Variants in EFR3B observed in about 807,000 individuals in gnomAD.
The protein encoded by EFR3B is protein EFR3 homolog B.
A neutral mutation model predicts 104.7 loss-of-function variants in EFR3B; 64 were observed. The observed-to-expected ratio is 0.61, with a 90% CI of 0.50 to 0.75. The LOEUF (loss-of-function observed/expected upper bound fraction) is 0.75. Ranked by LOEUF, EFR3B falls within the 30% of genes least tolerant of loss-of-function variation. The pLI is 0.00. For missense variants in EFR3B, 750 were observed against 1,078.5 expected (o/e 0.70, Z 4.27); for synonymous variants, 385 against 417.9 (o/e 0.92, Z 0.96).
At position 25,132,935 on chromosome 2, in the gene EFR3B, C is replaced by T. The variant is rs1308422246; in HGVS notation, c.1180C>T (p.Arg394Cys). The change falls in exon 11 of 23, where the codon CGC becomes TGC. Residue 394 changes from arginine to cysteine, a missense_variant. Transcript: ENST00000403714. Reference protein sequence around the residue: ...SFASTLPTYQRSEVILFIMSK... With the variant: ...SFASTLPTYQCSEVILFIMSK... ...TGCCAGCACGCTGCCCACCTACCAG[C>T]GCTCCGAGGTGATCCTCTTCATCAT... The T allele has an allele frequency of 2.6e-6, 4 of 1,551,454 alleles. No homozygotes were observed. Among genetic ancestry groups the T allele is most frequent in the Non-Finnish European group, 2.6e-6 (3 of 1,146,960 alleles).
intron 15 of EFR3B, 62 bp from the exon 16 acceptor site, chr2:25,138,997 C>T (rs1355002045): frequency 3.2e-6 from 5 of 1,543,572 alleles, no homozygotes; most frequent in Middle Eastern, 3.3e-4. Flanking sequence ...TCGGGTGGAG[C>T]GTTGGCACCC....
intron 1 of EFR3B, among the ~76,000 whole-genome samples, chr2:25,088,330 C>T (rs1433487479): frequency 2.0e-5 from 3 of 152,160 alleles, no homozygotes; most frequent in African/African-American, 7.2e-5. Context: ...GGTATTGTTA[C>T]TTGCAAGTGT....
chr2:25,088,949 G>A (rs1292964397), intron 1 of EFR3B, among the ~76,000 whole-genome samples: 1 of 152,154 alleles, frequency 6.6e-6, no homozygotes, highest in East Asian at 1.9e-4. Context: ...GTGCAGAAAG[G>A]CCCTGGGGCC....
chr2:25,103,696 G>A lies in EFR3B; in HGVS notation c.272G>A (p.Ser91Asn). The A allele has an allele frequency of 6.4e-7, 1 of 1,551,694 alleles. No individual in the cohort carries two copies. Among genetic ancestry groups the A allele is most frequent in the Non-Finnish European group, 8.7e-7 (1 of 1,146,974 alleles). Residue 91 changes from serine (S) to asparagine (N), a missense_variant, in exon 4 of 23, where the codon AGC becomes AAC. Physicochemically the swap from Ser to Asn is conservative, Grantham distance 46. Transcript: ENST00000403714. The part of the protein sequence containing the change: ...DQLLMACHCQ[S>N]INLFVESFLK... ...CTGCTCATGGCCTGCCACTGCCAGAGCATCAACCTCTTCGTGGAGAGCTTC... is the reference window on the plus strand; with the variant it reads ...CTGCTCATGGCCTGCCACTGCCAGAACATCAACCTCTTCGTGGAGAGCTTC...
At chr2:25,058,221 C>T (rs1372221198) in intron 1 of EFR3B, 1 of 152,152 alleles carries the variant, frequency 6.6e-6, no homozygotes, top group Non-Finnish European at 1.5e-5. Flanking sequence ...TGAGCCAGCC[C>T]AGGTTGAAAA....
intron 1 of EFR3B, among the ~76,000 whole-genome samples, chr2:25,049,509 A>G (rs771165066): frequency 5.3e-5 from 8 of 152,232 alleles, no homozygotes; most frequent in African/African-American, 9.6e-5. Flanking sequence ...AAAACATGCA[A>G]ACAATTAAAT....
At chr2:25,103,210 C>G (rs527809422) in intron 3 of EFR3B, among the ~76,000 whole-genome samples, 1 of 152,354 alleles carries the variant, frequency 6.6e-6, no homozygotes, top group African/African-American at 2.4e-5. Flanking sequence ...TCCTTACACC[C>G]CCTGCACTGT....
intron 1 of EFR3B, among the ~76,000 whole-genome samples, chr2:25,054,305 T>C (rs1479321204): frequency 1.3e-5 from 2 of 152,184 alleles, no homozygotes; most frequent in Admixed American, 1.3e-4. Context: ...AAAGGTGATA[T>C]TATTACCATG....
At position 25,083,479 on chromosome 2, in the gene EFR3B, T is replaced by A. The variant is rs74490981; in HGVS notation, c.8-7846T>A. On this transcript the variant is annotated intron_variant, in intron 1 of 22. Coordinates refer to ENST00000403714, the MANE Select transcript of EFR3B (RefSeq NM_014971.2). ...CAATGAACTGTTTTTAGTTTCTTTT[T>A]AATGTCTATTATTTGTTTCTTTCCT... Among the ~76,000 whole-genome samples, 9 of 152,322 alleles carry A rather than the reference T, an allele frequency of 5.9e-5. No homozygotes were observed. In the East Asian group the frequency reaches 1.2e-3, roughly 20 times the overall value.
rs1035384780 is a variant in EFR3B, at chr2:25,131,601, G to A, written c.985+98G>A. ...GGACAACAGGGAGGGGTCGGAGTCC[G>A]TTTTCCTCGGGAGAAGTCCGCCAGG... is the stretch of plus-strand genomic sequence containing the variant. On this transcript the variant is annotated intron_variant, in intron 9 of 22. Transcript: ENST00000403714. This position sits in a 1 kb window ranked among gnomAD's most constrained non-coding sequence, Gnocchi z 7.6. The A allele has an allele frequency of 1.3e-5, 20 of 1,508,910 alleles. No individual in the cohort carries two copies. Among genetic ancestry groups the A allele is most frequent in the Admixed American group, 4.3e-5 (2 of 46,906 alleles). The allele number at this position is 1,508,910 out of a possible 1,614,324, so 93.5% of individuals were successfully genotyped here.
At position 25,136,120 on chromosome 2, in the gene EFR3B, AG is replaced by A. The variant is rs1670509302; in HGVS notation, c.1485-402del. Among the ~76,000 whole-genome samples, 1 of 152,150 alleles carries A rather than the reference AG, an allele frequency of 6.6e-6. No homozygotes were observed. The highest frequency in any genetic ancestry group is 2.4e-5 in the African/African-American group (1 of 41,428). ...CACTTAAGCCCAAGAGTTCAAGACC[AG>A]CCAGGGCAACATAGTGAGACCCCCA... On this transcript the variant is annotated intron_variant, in intron 13 of 22. Coordinates refer to ENST00000403714, the MANE Select transcript of EFR3B (RefSeq NM_014971.2). This position sits in a 1 kb window ranked among gnomAD's most constrained non-coding sequence, Gnocchi z 4.0.
intron 1 of EFR3B, among the ~76,000 whole-genome samples, chr2:25,059,337 G>C (rs893233921): frequency 1.3e-5 from 2 of 152,010 alleles, no homozygotes; most frequent in Non-Finnish European, 2.9e-5. Context: ...ACCTGCCTGG[G>C]TTTCCCAAAG....
At chr2:25,135,023 T>G (rs1014150383) in intron 12 of EFR3B, among the ~76,000 whole-genome samples, 3 of 152,224 alleles carry the variant, frequency 2.0e-5, no homozygotes, top group Admixed American at 1.3e-4. Flanking sequence ...TATTTGGTGG[T>G]TGCCGTGTGT....
At chr2:25,052,404 A>G (rs1288241156) in intron 1 of EFR3B, among the ~76,000 whole-genome samples, 4 of 151,120 alleles carry the variant, frequency 2.6e-5, no homozygotes, top group South Asian at 2.1e-4. Flanking sequence ...CTCACTCTGT[A>G]TATTTCAGCC....
intron 1 of EFR3B, among the ~76,000 whole-genome samples, chr2:25,082,153 G>C (rs113226861): frequency 1.4e-4 from 22 of 152,378 alleles, no homozygotes; most frequent in African/African-American, 3.6e-4. Context: ...GGACAGGCAA[G>C]GACCTTGTGG....
At chr2:25,067,610 T>C (rs1269678360) in intron 1 of EFR3B, among the ~76,000 whole-genome samples, 1 of 151,968 alleles carries the variant, frequency 6.6e-6, no homozygotes, top group East Asian at 1.9e-4. Context: ...AATTTTTTTA[T>C]TTTTAGTAGA....
chr2:25,044,955 G>C (rs1156245668), intron 1 of EFR3B, among the ~76,000 whole-genome samples: 2 of 152,156 alleles, frequency 1.3e-5, no homozygotes, highest in Non-Finnish European at 2.9e-5. Context: ...CTGAATCCAG[G>C]AGCCCTTTCA....
intron 1 of EFR3B, among the ~76,000 whole-genome samples, chr2:25,085,464 T>TTTTA (rs1184976492): frequency 2.6e-5 from 4 of 152,080 alleles, no homozygotes; most frequent in Admixed American, 1.3e-4. Context: ...ATCACAATGA[T>TTTTA]TTTATTTATT....
chr2:25,080,166 G>T (rs1668752829), intron 1 of EFR3B: 5 of 1,405,990 alleles, frequency 3.6e-6, no homozygotes, highest in African/African-American at 1.4e-5. Context: ...AAAAAATGTT[G>T]ATCAGAATAG....
Sources: gnomAD v4.1 joint callset for allele counts (sites outside exome capture counted in the v4.1 genomes callset) on GRCh38, gnomAD v4.1.1 for gene constraint, Gnocchi (gnomAD v3.1) non-coding constraint, MANE v1.5 for transcripts, NCBI Gene and HGNC (gene_info 2026-07-23, HGNC 2026-07-21) for gene names.